NCKAP5: variants seen among roughly 807,000 people sequenced by gnomAD.
The protein encoded by NCKAP5 is NCK associated protein 5, also known as nck-associated protein 5.
In NCKAP5, 92 loss-of-function variants were observed where a neutral mutation model predicts 167.0. That is an observed-to-expected ratio of 0.55 (90% CI 0.47 to 0.66). The LOEUF is 0.66. Ranked by LOEUF, NCKAP5 falls within the 30% of genes least tolerant of loss-of-function variation. The probability of loss-of-function intolerance (pLI) is 0.00; values close to 1 mark genes in which losing one functional copy is unlikely to be tolerated. For missense variants in NCKAP5, 2,378 were observed against 2,315.0 expected, an observed-to-expected ratio of 1.03 and a Z score of -0.56; for synonymous variants, 891 against 877.4, an observed-to-expected ratio of 1.02 and a Z score of -0.27.
chr2:133,385,573 G>A (rs1686889776), intron 3 of NCKAP5, among the ~76,000 whole-genome samples: 1 of 152,194 alleles, frequency 6.6e-6, no homozygotes, highest in Admixed American at 6.5e-5. Context: ...AAATGAGTTA[G>A]GGAGGATTCC....
At chr2:133,207,486 C>A (rs773655412) in intron 5 of NCKAP5, among the ~76,000 whole-genome samples, 1 of 152,162 alleles carries the variant, frequency 6.6e-6, no homozygotes, top group East Asian at 1.9e-4. Context: ...GGCTGGTACA[C>A]AGCACCAAGA....
intron 11 of NCKAP5, among the ~76,000 whole-genome samples, chr2:132,833,513 T>C (rs998120715): frequency 1.3e-5 from 2 of 152,230 alleles, no homozygotes; most frequent in Non-Finnish European, 2.9e-5. Flanking sequence ...TTTAAGACTT[T>C]AATCCATCCT....
chr2:133,612,247 T>A, the NCKAP5 span, among the ~76,000 whole-genome samples: 19 of 152,128 alleles, frequency 1.2e-4, no homozygotes, highest in Non-Finnish European at 2.6e-4. Flanking sequence ...GGAAATAAGA[T>A]GTTATTGTAT....
intron 3 of NCKAP5, among the ~76,000 whole-genome samples, chr2:133,372,176 G>A (rs1007912056): frequency 3.3e-5 from 5 of 152,296 alleles, no homozygotes; most frequent in Non-Finnish European, 5.9e-5. Flanking sequence ...GCTCGAGAAG[G>A]AGAGGCTATC....
At chr2:133,256,975 A>T (rs2088649752) in intron 4 of NCKAP5, among the ~76,000 whole-genome samples, 1 of 152,164 alleles carries the variant, frequency 6.6e-6, no homozygotes, top group African/African-American at 2.4e-5. Context: ...AGACTGTAGG[A>T]CCTACGCGCG....
chr2:132,946,668 G>T (rs1697760024), intron 8 of NCKAP5, among the ~76,000 whole-genome samples: 1 of 152,110 alleles, frequency 6.6e-6, no homozygotes, highest in Non-Finnish European at 1.5e-5. Context: ...AAGCCGAGGG[G>T]GGTGGATCAC....
chr2:132,837,311 C>T (rs1349121514), intron 11 of NCKAP5, among the ~76,000 whole-genome samples: 1 of 152,072 alleles, frequency 6.6e-6, no homozygotes. Context: ...ACTTATTTCG[C>T]AATTATCTTC....
In NCKAP5 at chr2:132,785,110, G is replaced by A; in HGVS notation, c.1701C>T (p.Gly567=). 6.2e-7 allele frequency: 1 copy of A among 1,613,916 alleles called. No individual in the cohort carries two copies. The highest frequency in any genetic ancestry group is 1.1e-5 in the South Asian group (1 of 91,066). Reference sequence around the variant, plus strand: ...TGAGAGCCATGCGGCCATGGCCTTGGCCCTGTGGGCCCCTCTCCCTCTGTA... The same window carrying A: ...TGAGAGCCATGCGGCCATGGCCTTGACCCTGTGGGCCCCTCTCCCTCTGTA... ...PQVQRERGPQ[G]QGHGRMALNL... Residue 567 remains glycine (G), a synonymous_variant, in exon 14 of 20, where the codon GGC becomes GGT. Transcript: ENST00000409261.
intron 6 of NCKAP5, among the ~76,000 whole-genome samples, chr2:133,067,861 T>C (rs1441417050): frequency 6.6e-6 from 1 of 152,098 alleles, no homozygotes; most frequent in Admixed American, 6.5e-5. Flanking sequence ...CTCTTGAAAT[T>C]AACAATAGAA....
the NCKAP5 span, among the ~76,000 whole-genome samples, chr2:133,589,629 T>C: frequency 1.6e-4 from 25 of 152,120 alleles, no homozygotes; most frequent in Non-Finnish European, 2.6e-4. Flanking sequence ...GAAGAAAAGA[T>C]ATTCAGACAG....
intron 2 of NCKAP5, among the ~76,000 whole-genome samples, chr2:133,532,821 T>C (rs1376493691): frequency 6.6e-6 from 1 of 152,238 alleles, no homozygotes; most frequent in African/African-American, 2.4e-5. Context: ...CAGATATGTG[T>C]GGCTTCTGAA....
intron 4 of NCKAP5, among the ~76,000 whole-genome samples, chr2:133,238,008 A>G (rs1469888410): frequency 1.3e-5 from 2 of 152,154 alleles, no homozygotes; most frequent in African/African-American, 2.4e-5. Context: ...CGGGAAGGAA[A>G]GCTCCACCAC....
the NCKAP5 span, among the ~76,000 whole-genome samples, chr2:133,642,902 T>C: frequency 1.3e-5 from 2 of 152,226 alleles, no homozygotes; most frequent in African/African-American, 2.4e-5. Context: ...CATGCATTTC[T>C]GGCAGAGGAA....
At chr2:132,874,349 C>T (rs999084175) in intron 9 of NCKAP5, among the ~76,000 whole-genome samples, 4 of 152,038 alleles carry the variant, frequency 2.6e-5, no homozygotes, top group African/African-American at 9.7e-5. Context: ...ACCTTGTGAT[C>T]CACCCGCCTT....
At chr2:133,238,508 G>A (rs1479098967) in intron 4 of NCKAP5, among the ~76,000 whole-genome samples, 1 of 152,174 alleles carries the variant, frequency 6.6e-6, no homozygotes, top group Non-Finnish European at 1.5e-5. Context: ...CTGTTAAAAA[G>A]AAGACACAGG....
chr2:133,666,232 T>C, the NCKAP5 span, among the ~76,000 whole-genome samples: 1 of 149,164 alleles, frequency 6.7e-6, no homozygotes, highest in Non-Finnish European at 1.5e-5. Context: ...AGTCTTTCTC[T>C]TGTCACCCAG....
rs529210848 is a variant in NCKAP5 at position 132,828,345 on chromosome 2, T to C, written c.808-31616A>G. ...GGAGGAGGGGCCTGGTGGGAGGTGA[T>C]TGGATCAAGGGGGTGGATTTTCCCC... On this transcript the variant is annotated intron_variant, in intron 11 of 19. Coordinates refer to ENST00000409261, the MANE Select transcript of NCKAP5 (RefSeq NM_207363.3). Among the ~76,000 whole-genome samples, 22 of 152,204 alleles carry C rather than the reference T, an allele frequency of 1.4e-4. 1 individual carries two copies. The South Asian group carries it at 2.7e-3, about 19-fold the overall frequency.
At chr2:133,284,833 A>G (rs2090050276) in intron 4 of NCKAP5, 1 of 152,216 alleles carries the variant, frequency 6.6e-6, no homozygotes. Flanking sequence ...CCTTCCAGAC[A>G]TCCTGAACCT....
At chr2:133,186,989 T>A (rs186495153) in intron 5 of NCKAP5, among the ~76,000 whole-genome samples, 36 of 152,164 alleles carry the variant, frequency 2.4e-4, no homozygotes, top group African/African-American at 8.2e-4. Flanking sequence ...CATCTTTTCC[T>A]CTGCAAGCTT....
Sources: allele counts gnomAD v4.1 joint callset (sites outside exome capture counted in the v4.1 genomes callset), GRCh38; gene constraint gnomAD v4.1.1; transcripts MANE v1.5; gene names NCBI Gene and HGNC (gene_info 2026-07-23, HGNC 2026-07-21).